The following COX10 variants were observed in gnomAD, a reference collection of about 807,000 sequenced individuals.
COX10 encodes protoheme IX farnesyltransferase, mitochondrial.
In COX10, 27 loss-of-function variants were observed where a neutral mutation model predicts 37.3. That is an observed-to-expected ratio of 0.72 (90% confidence interval 0.53 to 1.00). The LOEUF is 1.00. Ranked by LOEUF, COX10 falls within the 50% of genes least tolerant of loss-of-function variation. The pLI, the probability that COX10 is intolerant of heterozygous loss-of-function variation, is 0.00. For missense variants in COX10, 475 were observed against 563.2 expected (o/e 0.84, Z 1.59); for synonymous variants, 222 against 229.1 (o/e 0.97, Z 0.28).
At chr17:14,190,103 G>C (rs1452468071) in intron 5 of COX10, among the ~76,000 whole-genome samples, 1 of 152,168 alleles carries the variant, frequency 6.6e-6, no homozygotes, top group Non-Finnish European at 1.5e-5. Flanking sequence ...AAGAGGGAAG[G>C]GCATCTGTTA....
chr17:14,091,554 T>TAA (rs1169525297), intron 3 of COX10, among the ~76,000 whole-genome samples: 4 of 152,242 alleles, frequency 2.6e-5, no homozygotes, highest in African/African-American at 9.6e-5. Flanking sequence ...AATGATACAT[T>TAA]AATATATATG....
chr17:14,199,085 A>G (rs1452753122), intron 6 of COX10, among the ~76,000 whole-genome samples: 1 of 151,274 alleles, frequency 6.6e-6, no homozygotes, highest in Non-Finnish European at 1.5e-5. Flanking sequence ...AAAAAAAAAG[A>G]GCTACGAAAG....
chr17:14,116,654 T>TGTAC (rs149788267), intron 4 of COX10, among the ~76,000 whole-genome samples: 2 of 150,506 alleles, frequency 1.3e-5, no homozygotes, highest in East Asian at 3.9e-4. Context: ...TGCATGCATG[T>TGTAC]ACACACACAC....
rs3785662 is a variant in COX10, at chr17:14,206,366, A to G, written c.929-444A>G. Among the ~76,000 whole-genome samples, 737 of 152,214 alleles carry G rather than the reference A, an allele frequency of 4.8e-3. 25 individuals carry two copies. In the East Asian group the frequency reaches 0.088, roughly 18 times the overall value. On this transcript the variant is annotated intron_variant, in intron 6 of 6. Coordinates refer to ENST00000261643, the MANE Select transcript of COX10 (RefSeq NM_001303.4). ...AAATGGAGCTCAGCGCTCCAGCACA[A>G]TGGTTGCACCCAGAGGTAGTACTGA...
intron 5 of COX10, among the ~76,000 whole-genome samples, chr17:14,186,147 T>C (rs1211165240): frequency 7.2e-5 from 11 of 152,218 alleles, no homozygotes. Flanking sequence ...CAAATGCTTG[T>C]CTCTCTTTGC....
intron 1 of COX10, 133 bp from the exon 2 acceptor site, chr17:14,074,190 T>G (rs1597490018): frequency 1.1e-6 from 1 of 915,008 alleles, no homozygotes; most frequent in East Asian, 2.5e-5. Flanking sequence ...GATTAGATTA[T>G]TTCAAAGCTC....
At chr17:14,134,133 A>T (rs867952107) in intron 4 of COX10, among the ~76,000 whole-genome samples, 3 of 151,698 alleles carry the variant, frequency 2.0e-5, no homozygotes, top group South Asian at 2.1e-4. Flanking sequence ...AGACTCCATG[A>T]TGCCCTCAAA....
At chr17:14,175,045 T>C (rs543727583) in intron 5 of COX10, among the ~76,000 whole-genome samples, 19 of 75,944 alleles carry the variant, frequency 2.5e-4, no homozygotes, top group Admixed American at 4.6e-4. Context: ...AAGCCAAAAC[T>C]AGGCACAGAA....
At chr17:14,140,938 A>G (rs1423318258) in intron 4 of COX10, among the ~76,000 whole-genome samples, 1 of 152,170 alleles carries the variant, frequency 6.6e-6, no homozygotes, top group Admixed American at 6.5e-5. Context: ...CCTCTAATAC[A>G]TTGAATTATT....
chr17:14,121,221 C>T (rs1916221673), intron 4 of COX10, among the ~76,000 whole-genome samples: 1 of 152,126 alleles, frequency 6.6e-6, no homozygotes, highest in African/African-American at 2.4e-5. Flanking sequence ...GCTTTATGAT[C>T]TGAATTTTGT....
At chr17:14,086,811 T>C (rs1915417985) in intron 3 of COX10, among the ~76,000 whole-genome samples, 1 of 152,200 alleles carries the variant, frequency 6.6e-6, no homozygotes, top group Non-Finnish European at 1.5e-5. Flanking sequence ...AAATCTACCT[T>C]CTTTTTTTAG....
chr17:14,146,948 C>T (rs1205824510), intron 4 of COX10, among the ~76,000 whole-genome samples: 4 of 152,134 alleles, frequency 2.6e-5, no homozygotes, highest in Non-Finnish European at 5.9e-5. Context: ...AATGAGATAT[C>T]ATCTCACCCC....
Position 14,174,159 on chromosome 17 carries a change from C to T in COX10, c.695+14212C>T, listed in dbSNP as rs573707432. On this transcript the variant is annotated intron_variant, in intron 5 of 6. Transcript: ENST00000261643. ...GTCTTAAACTCATTAAGAAAAGAAC[C>T]TTAAAAATAGACAAAAGGGGCCGGG... Among the ~76,000 whole-genome samples the T allele has an allele frequency of 5.3e-5, 8 of 151,696 alleles. No homozygotes were observed. The South Asian group carries it at 1.7e-3, about 32-fold the overall frequency.
intron 4 of COX10, among the ~76,000 whole-genome samples, chr17:14,145,894 T>C (rs1025642985): frequency 1.3e-5 from 2 of 152,126 alleles, no homozygotes; most frequent in African/African-American, 2.4e-5. Context: ...TGGATCAACA[T>C]TTTGCCTTCC....
intron 4 of COX10, among the ~76,000 whole-genome samples, chr17:14,107,862 A>G (rs1915930768): frequency 6.6e-6 from 1 of 152,154 alleles, no homozygotes; most frequent in Admixed American, 6.6e-5. Flanking sequence ...CTATAAGTGG[A>G]CAGCCTTGAT....
At chr17:14,129,820 A>G (rs1215967911) in intron 4 of COX10, among the ~76,000 whole-genome samples, 5 of 152,176 alleles carry the variant, frequency 3.3e-5, no homozygotes, top group African/African-American at 1.2e-4. Flanking sequence ...CAGTAGGGTT[A>G]TATAGGGTTG....
chr17:14,146,583 A>G (rs1904726996), intron 4 of COX10, among the ~76,000 whole-genome samples: 1 of 152,208 alleles, frequency 6.6e-6, no homozygotes, highest in African/African-American at 2.4e-5. Flanking sequence ...GCCTGGGCAA[A>G]GATTTCTTGA....
intron 3 of COX10, among the ~76,000 whole-genome samples, chr17:14,087,466 C>G (rs1915435221): frequency 6.6e-6 from 1 of 152,184 alleles, no homozygotes; most frequent in South Asian, 2.1e-4. Flanking sequence ...TCTATACCTA[C>G]AGCAGTGCCT....
At chr17:14,115,595 G>T (rs924554559) in intron 4 of COX10, among the ~76,000 whole-genome samples, 3 of 152,004 alleles carry the variant, frequency 2.0e-5, no homozygotes, top group Admixed American at 2.0e-4. Flanking sequence ...GTTTATCACC[G>T]CCCTACCACC....
Sources: gnomAD v4.1 joint callset for allele counts (sites outside exome capture counted in the v4.1 genomes callset) on GRCh38, gnomAD v4.1.1 for gene constraint, MANE v1.5 for transcripts, NCBI Gene and HGNC (gene_info 2026-07-23, HGNC 2026-07-21) for gene names.